The following TRPM3 variants were observed in gnomAD, a reference collection of about 807,000 sequenced individuals.
The protein encoded by TRPM3 is long transient receptor potential channel 3.
Under a neutral mutation model 181.2 loss-of-function variants are expected in TRPM3, and 77 were observed. That is an observed-to-expected ratio of 0.42 (90% CI 0.35 to 0.51). The LOEUF (loss-of-function observed/expected upper bound fraction) is 0.51. Ranked by LOEUF, TRPM3 falls within the 20% of genes least tolerant of loss-of-function variation. The pLI is 0.01. For synonymous variants in TRPM3, 745 were observed against 796.4 expected (o/e 0.94, Z 1.09); for missense variants, 1,759 against 2,196.7 (o/e 0.80, Z 3.98).
chr9:71,187,953 C>A (rs1329763), intron 1 of TRPM3, among the ~76,000 whole-genome samples: 2,290 of 51,664 alleles, frequency 0.044, 31 homozygotes, highest in East Asian at 0.066. Context: ...ATAGATAGAT[C>A]ATCGCATTTT....
intron 8 of TRPM3, 54 bp downstream of exon 8, chr9:70,761,547 A>G (rs773982585): frequency 6.2e-7 from 1 of 1,613,352 alleles, no homozygotes; most frequent in South Asian, 1.1e-5. Context: ...TGTGTGATTC[A>G]AGAAAATGAC....
intron 1 of TRPM3, among the ~76,000 whole-genome samples, chr9:71,253,127 T>C (rs1299188067): frequency 1.3e-5 from 2 of 152,194 alleles, no homozygotes; most frequent in Non-Finnish European, 2.9e-5. Context: ...TCCATGTGTC[T>C]GTCTTTCTTA....
chr9:70,618,861 C>T lies in TRPM3; in HGVS notation c.2358+6G>A, dbSNP rs779884257. 7 of 1,603,360 alleles carry T rather than the reference C, an allele frequency of 4.4e-6. No individual in the cohort carries two copies. Among genetic ancestry groups the T allele is most frequent in the East Asian group, 4.5e-5 (2 of 44,890 alleles). ...TAGCCAGGAGGGCCTTATTGGGCGC[C>T]CTGACCTTGAGGCCTGAGTTCTTGC... On this transcript the variant is annotated splice_donor_region_variant and intron_variant, in intron 17 of 25. Coordinates refer to ENST00000677713, the MANE Select transcript of TRPM3 (RefSeq NM_001366145.2).
At chr9:70,888,977 T>G (rs1489136720) in intron 1 of TRPM3, among the ~76,000 whole-genome samples, 2 of 152,146 alleles carry the variant, frequency 1.3e-5, no homozygotes, top group African/African-American at 4.8e-5. Flanking sequence ...TGGGAATACA[T>G]AACAGATGTC....
In TRPM3 at chr9:70,789,734, T is replaced by C. The variant is rs139620028; in HGVS notation, c.974-5455A>G. 4.1e-3 allele frequency among the ~76,000 whole-genome samples: 631 copies of C among 152,346 alleles called. 7 individuals carry two copies. The highest frequency in any genetic ancestry group is 0.014 in the African/African-American group (566 of 41,582). On this transcript the variant is annotated intron_variant, in intron 6 of 25. Transcript: ENST00000677713. ...ATTAGAGCATACGAAAATGTGAGCTTGAGTAACAGATTTAACAGCTCTGCG... is the reference window on the plus strand; with the variant it reads ...ATTAGAGCATACGAAAATGTGAGCTCGAGTAACAGATTTAACAGCTCTGCG...
At chr9:70,746,543 C>T (rs2075199365) in intron 8 of TRPM3, among the ~76,000 whole-genome samples, 1 of 152,088 alleles carries the variant, frequency 6.6e-6, no homozygotes, top group South Asian at 2.1e-4. Flanking sequence ...AAGGGAAAGT[C>T]GTCAGCTCTG....
chr9:71,097,068 T>G (rs2067417308), intron 1 of TRPM3, among the ~76,000 whole-genome samples: 1 of 152,110 alleles, frequency 6.6e-6, no homozygotes, highest in African/African-American at 2.4e-5. Context: ...CCTATGTCCT[T>G]CCCGACTCTG....
At chr9:70,910,555 AAAG>A (rs1160668299) in intron 1 of TRPM3, among the ~76,000 whole-genome samples, 3 of 152,204 alleles carry the variant, frequency 2.0e-5, no homozygotes, top group Non-Finnish European at 4.4e-5. Flanking sequence ...ATAAAAATAA[AAAG>A]AATAAAACTT....
At chr9:71,109,684 A>T (rs527938723) in intron 1 of TRPM3, among the ~76,000 whole-genome samples, 2 of 152,294 alleles carry the variant, frequency 1.3e-5, no homozygotes, top group East Asian at 1.9e-4. Context: ...TTAATGCATG[A>T]TATAACTCTA....
At chr9:70,742,155 G>GA (rs1369474361) in intron 8 of TRPM3, among the ~76,000 whole-genome samples, 1 of 151,920 alleles carries the variant, frequency 6.6e-6, no homozygotes, top group Non-Finnish European at 1.5e-5. Flanking sequence ...GTTATTAAGT[G>GA]AAAAATTCAG....
chr9:71,016,422 C>T (rs56949278), intron 1 of TRPM3, among the ~76,000 whole-genome samples: 3 of 152,130 alleles, frequency 2.0e-5, no homozygotes, highest in Non-Finnish European at 2.9e-5. Context: ...AGTAAGTCAT[C>T]ATTCCTCCCT....
chr9:70,764,690 T>A (rs2078767247), intron 7 of TRPM3, among the ~76,000 whole-genome samples: 1 of 152,174 alleles, frequency 6.6e-6, no homozygotes, highest in African/African-American at 2.4e-5. Context: ...TCTAAGGTGT[T>A]TTCCAAAGTG....
At chr9:70,752,666 T>A (rs906014637) in intron 8 of TRPM3, among the ~76,000 whole-genome samples, 13 of 152,342 alleles carry the variant, frequency 8.5e-5, no homozygotes, top group Middle Eastern at 3.4e-3. Flanking sequence ...TCTTTAGATA[T>A]GTTTAGATAC....
chr9:71,420,733 GAGAA>G (rs1565557083), intron 1 of TRPM3, among the ~76,000 whole-genome samples: 1 of 54,978 alleles, frequency 1.8e-5, no homozygotes, highest in Non-Finnish European at 4.4e-5. Flanking sequence ...GAGAGAGAGA[GAGAA>G]AGAGAGAGAA....
chr9:71,014,737 AT>A (rs2097770809), intron 1 of TRPM3, among the ~76,000 whole-genome samples: 1 of 152,150 alleles, frequency 6.6e-6, no homozygotes, highest in South Asian at 2.1e-4. Flanking sequence ...ACTTTTAGGC[AT>A]ATATTGTATA....
intron 1 of TRPM3, among the ~76,000 whole-genome samples, chr9:71,248,089 G>T (rs970683320): frequency 6.6e-6 from 1 of 152,154 alleles, no homozygotes; most frequent in Non-Finnish European, 1.5e-5. Flanking sequence ...AACTGAACTT[G>T]TTCAAGCTCT....
chr9:71,167,832 T>C (rs1028166024), intron 1 of TRPM3, among the ~76,000 whole-genome samples: 1 of 152,220 alleles, frequency 6.6e-6, no homozygotes, highest in Non-Finnish European at 1.5e-5. Flanking sequence ...TCTAGTTGCA[T>C]TCTACAGAAG....
chr9:70,937,297 C>T (rs1401075218), intron 1 of TRPM3, among the ~76,000 whole-genome samples: 1 of 152,156 alleles, frequency 6.6e-6, no homozygotes, highest in Non-Finnish European at 1.5e-5. Context: ...CAGCTGGGTA[C>T]AAACTAGCAT....
chr9:70,676,382 A>G (rs1017969824), intron 9 of TRPM3, among the ~76,000 whole-genome samples: 7 of 152,260 alleles, frequency 4.6e-5, no homozygotes, highest in African/African-American at 1.7e-4. Context: ...GAAAGGGTCC[A>G]GAGACCACTT....
Sources: gnomAD v4.1 joint callset for allele counts (sites outside exome capture counted in the v4.1 genomes callset) on GRCh38, gnomAD v4.1.1 for gene constraint, MANE v1.5 for transcripts, NCBI Gene and HGNC (gene_info 2026-07-23, HGNC 2026-07-21) for gene names.